The following DTNB variants were observed in gnomAD, a reference collection of about 807,000 sequenced individuals.
DTNB encodes DTN-B.
A neutral mutation model predicts 90.7 loss-of-function variants in DTNB; 63 were observed. The ratio of observed to expected loss-of-function variants is 0.69; its 90% confidence interval spans 0.57 to 0.86. The LOEUF (loss-of-function observed/expected upper bound fraction) is 0.86, where lower values mean the gene tolerates loss of function less well. DTNB is among the 40% of genes least tolerant of loss of function. The probability of loss-of-function intolerance (pLI) is 0.00; values close to 1 mark genes in which losing one functional copy is unlikely to be tolerated. For synonymous variants in DTNB, 277 were observed against 286.7 expected, an observed-to-expected ratio of 0.97 and a Z score of 0.34; for missense variants, 744 against 807.1, an observed-to-expected ratio of 0.92 and a Z score of 0.95.
chr2:25,427,484 C>A, intron 15 of DTNB, 51 bp downstream of exon 15: 1 of 1,573,708 alleles, frequency 6.4e-7, no homozygotes, highest in South Asian at 1.1e-5. Context: ...GCAGCTGAGG[C>A]TGTGGTGGGA....
chr2:25,525,139 C>T (rs1014702805), intron 9 of DTNB, among the ~76,000 whole-genome samples: 8 of 152,092 alleles, frequency 5.3e-5, no homozygotes, highest in African/African-American at 9.7e-5. Context: ...ACTTACAGAA[C>T]GACATGTAGA....
chr2:25,571,241 A>T lies in DTNB; in HGVS notation c.876+5597T>A, dbSNP rs77467472. Among the ~76,000 whole-genome samples, 996 of 152,306 alleles carry T rather than the reference A, an allele frequency of 6.5e-3. 11 individuals are homozygous for T. Among genetic ancestry groups the T allele is most frequent in the African/African-American group, 0.023 (947 of 41,566 alleles). On this transcript the variant is annotated intron_variant, in intron 8 of 20. Transcript: ENST00000406818. ...TGTCCGACCATATCTTGTTTTAATT[A>T]TCATTAGAATTTCTCCTAAATGGTC...
intron 10 of DTNB, among the ~76,000 whole-genome samples, chr2:25,459,299 C>T (rs1214762034): frequency 1.3e-5 from 2 of 151,158 alleles, no homozygotes; most frequent in Admixed American, 6.6e-5. Flanking sequence ...AGGCTCAGTT[C>T]GTTTTCAGTC....
At chr2:25,411,777 C>G (rs1277726235) in intron 16 of DTNB, among the ~76,000 whole-genome samples, 1 of 152,156 alleles carries the variant, frequency 6.6e-6, no homozygotes, top group Non-Finnish European at 1.5e-5. Context: ...TATTTGTGTA[C>G]GATTTCTCTT....
chr2:25,455,360 C>A, intron 11 of DTNB, 45 bp downstream of exon 11: 1 of 1,532,958 alleles, frequency 6.5e-7, no homozygotes, highest in East Asian at 2.4e-5. Context: ...CTCTCCCTCC[C>A]TCTGATCACC....
intron 10 of DTNB, among the ~76,000 whole-genome samples, chr2:25,476,368 A>C (rs758151029): frequency 2.0e-4 from 31 of 152,158 alleles, no homozygotes; most frequent in Non-Finnish European, 4.0e-4. Flanking sequence ...CAGCCAAGAA[A>C]TAATTTTGAC....
chr2:25,581,681 C>A (rs931822999), intron 6 of DTNB, among the ~76,000 whole-genome samples: 1 of 152,168 alleles, frequency 6.6e-6, no homozygotes, highest in Admixed American at 6.5e-5. Context: ...AGAACAAATT[C>A]TCCACAATAT....
intron 2 of DTNB, among the ~76,000 whole-genome samples, chr2:25,646,675 C>T (rs1573981435): frequency 6.6e-6 from 1 of 152,180 alleles, no homozygotes; most frequent in African/African-American, 2.4e-5. Context: ...AGCTAGAAGG[C>T]CCCCCACCTC....
chr2:25,637,214 G>A (rs1347684586), intron 3 of DTNB, among the ~76,000 whole-genome samples: 1 of 151,980 alleles, frequency 6.6e-6, no homozygotes, highest in Non-Finnish European at 1.5e-5. Context: ...AATTCAAGAT[G>A]GATTAAAGAC....
chr2:25,608,328 CT>C, intron 4 of DTNB, among the ~76,000 whole-genome samples: 1 of 152,166 alleles, frequency 6.6e-6, no homozygotes, highest in African/African-American at 2.4e-5. Flanking sequence ...AAGATCACAC[CT>C]GAAAAAAGGC....
intron 3 of DTNB, among the ~76,000 whole-genome samples, chr2:25,632,210 A>AAG (rs1553626475): frequency 6.6e-5 from 10 of 151,678 alleles, no homozygotes; most frequent in Non-Finnish European, 1.2e-4. Flanking sequence ...AAAAAAAAAA[A>AAG]AAAGAAATTG....
chr2:25,379,125 G>C (rs2036766072), intron 20 of DTNB, among the ~76,000 whole-genome samples, 165 bp downstream of exon 20: 1 of 152,234 alleles, frequency 6.6e-6, no homozygotes, highest in African/African-American at 2.4e-5. Context: ...GGCAAGGAGG[G>C]CACATGGCTG....
At chr2:25,497,402 C>A (rs1364105841) in intron 9 of DTNB, 1 of 152,236 alleles carries the variant, frequency 6.6e-6, no homozygotes, top group Non-Finnish European at 1.5e-5. Context: ...CACCTCCTCT[C>A]CAAGGGCCTC....
chr2:25,539,001 C>A (rs940688821), intron 8 of DTNB, among the ~76,000 whole-genome samples: 1 of 152,112 alleles, frequency 6.6e-6, no homozygotes, highest in African/African-American at 2.4e-5. Flanking sequence ...CTGTATAGTT[C>A]TCTATATAGT....
chr2:25,446,092 C>A (rs1301881139), intron 12 of DTNB, among the ~76,000 whole-genome samples: 1 of 152,056 alleles, frequency 6.6e-6, no homozygotes. Flanking sequence ...CTTACTGTGA[C>A]CTCTCTGTCC....
rs543016862 is a variant in DTNB at position 25,550,346 on chromosome 2, G to T, written c.877-18749C>A. On this transcript the variant is annotated intron_variant, in intron 8 of 20. Transcript: ENST00000406818. Reference sequence around the variant, plus strand: ...GCGGAGCTTGCAGTGAGCCGAGATCGCGCCACTGCACTCCAGCCTGGGTGA... The same window carrying T: ...GCGGAGCTTGCAGTGAGCCGAGATCTCGCCACTGCACTCCAGCCTGGGTGA... Among the ~76,000 whole-genome samples the T allele has an allele frequency of 8.7e-4, 132 of 152,134 alleles. 1 individual carries two copies. The highest frequency in any genetic ancestry group is 2.4e-3 in the African/African-American group (99 of 41,540).
intron 8 of DTNB, among the ~76,000 whole-genome samples, chr2:25,537,639 G>T (rs1227300521): frequency 6.6e-6 from 1 of 152,210 alleles, no homozygotes; most frequent in East Asian, 1.9e-4. Flanking sequence ...CTCAGATTAT[G>T]ACTTGGACCT....
At chr2:25,585,434 CGTTT>C (rs748483769) in intron 6 of DTNB, among the ~76,000 whole-genome samples, 14 of 152,194 alleles carry the variant, frequency 9.2e-5, no homozygotes, top group Non-Finnish European at 1.8e-4. Context: ...TAGAAACAAG[CGTTT>C]GTTTGTTGCT....
At chr2:25,386,075 A>C (rs926447373) in intron 18 of DTNB, 27 of 985,374 alleles carry the variant, frequency 2.7e-5, no homozygotes, top group Admixed American at 6.1e-5. Context: ...ATGTGTACAG[A>C]GCGGGGCCGT....
Sources: gnomAD v4.1 joint callset for allele counts (sites outside exome capture counted in the v4.1 genomes callset) on GRCh38, gnomAD v4.1.1 for gene constraint, MANE v1.5 for transcripts, NCBI Gene and HGNC (gene_info 2026-07-23, HGNC 2026-07-21) for gene names.